The following WDR41 variants were observed in gnomAD, a reference collection of about 807,000 sequenced individuals.
WDR41 encodes the protein WD repeat-containing protein 41.
In WDR41, 63 loss-of-function variants were observed where a neutral mutation model predicts 69.3. The observed-to-expected ratio is 0.91, with a 90% CI of 0.74 to 1.12. The LOEUF is 1.12. Among genes scored for constraint, WDR41 ranks in the 50% most tolerant of loss-of-function variants. WDR41 has a pLI of 0.00. For missense variants in WDR41, 543 were observed against 534.5 expected (o/e 1.02, Z -0.16); for synonymous variants, 185 against 192.1 (o/e 0.96, Z 0.31).
intron 1 of WDR41, among the ~76,000 whole-genome samples, chr5:77,606,662 G>A (rs1053575190): frequency 2.0e-5 from 3 of 151,836 alleles, no homozygotes; most frequent in Non-Finnish European, 2.9e-5. Flanking sequence ...AATTATCCAG[G>A]TGTGGTAGCA....
chr5:77,559,291 G>A (rs1743471600), intron 1 of WDR41, among the ~76,000 whole-genome samples: 1 of 152,150 alleles, frequency 6.6e-6, no homozygotes, highest in African/African-American at 2.4e-5. Flanking sequence ...AAAGATAGAT[G>A]TAAATAATCT....
chr5:77,585,618 A>G (rs1744024278), intron 1 of WDR41, among the ~76,000 whole-genome samples: 1 of 152,244 alleles, frequency 6.6e-6, no homozygotes, highest in Non-Finnish European at 1.5e-5. Flanking sequence ...TGTGGTATAC[A>G]TATACAATGG....
chr5:77,590,044 A>G (rs1744108973), intron 1 of WDR41, among the ~76,000 whole-genome samples: 1 of 152,098 alleles, frequency 6.6e-6, no homozygotes, highest in South Asian at 2.1e-4. Context: ...ATTTTCTATC[A>G]ATGCTTTTTT....
rs147936023 is a variant in WDR41, at chr5:77,559,457, T to C, written c.42+61022A>G. On this transcript the variant is annotated intron_variant, in intron 1 of 5. Coordinates refer to the WDR41 transcript ENST00000509971. ...AGGCTGGCAAAATTCTTGAAGCTGC[T>C]TTAGCAAGGCACTAATTAGACCGTA... Among the ~76,000 whole-genome samples the C allele has an allele frequency of 1.5e-3, 232 of 152,208 alleles. 3 individuals carry two copies. The highest frequency in any genetic ancestry group is 5.3e-3 in the African/African-American group (222 of 41,550).
Position 77,545,672 on chromosome 5 carries a change from C to T in WDR41, c.43-56100G>A, listed in dbSNP as rs1057477742. ...ATCATTGACTTTTTCCTGGGGGCCTCTCTCAAGGATGAGGTTTTAAAGGTT... is the reference window on the plus strand; with the variant it reads ...ATCATTGACTTTTTCCTGGGGGCCTTTCTCAAGGATGAGGTTTTAAAGGTT... On this transcript the variant is annotated intron_variant, in intron 1 of 5. Transcript: ENST00000509971. 3 of 436,026 alleles carry T rather than the reference C, an allele frequency of 6.9e-6. No individual in the cohort carries two copies. The Admixed American group carries it at 1.2e-4, about 18-fold the overall frequency. The allele number at this position is 436,026 out of a possible 1,614,324, so 27.0% of individuals were successfully genotyped here. A position where few individuals can be genotyped will look rare whatever the true frequency, so the allele number is the denominator to read the frequency against.
chr5:77,477,923 G>T (rs1293922191), intron 2 of WDR41, among the ~76,000 whole-genome samples: 1 of 146,478 alleles, frequency 6.8e-6, no homozygotes, highest in African/African-American at 2.6e-5. Context: ...TTGATAGACT[G>T]CTAGCAAGAC....
chr5:77,433,304 A>G lies in WDR41; in HGVS notation c.1228-17T>C. ...TAGAAACATCTGTAAAGAAAATTAAAACTGATTATAGGGACCCCGAAAAGC... is the reference window on the plus strand; with the variant it reads ...TAGAAACATCTGTAAAGAAAATTAAGACTGATTATAGGGACCCCGAAAAGC... On this transcript the variant is annotated splice_polypyrimidine_tract_variant and intron_variant, in intron 12 of 12. Coordinates refer to ENST00000296679, the MANE Select transcript of WDR41 (RefSeq NM_018268.4). 2 of 1,607,610 alleles carry G rather than the reference A, an allele frequency of 1.2e-6. No homozygotes were observed. The highest frequency in any genetic ancestry group is 1.7e-6 in the Non-Finnish European group (2 of 1,177,806).
At chr5:77,501,121 C>A (rs1046535341) in intron 1 of WDR41, among the ~76,000 whole-genome samples, 1 of 152,248 alleles carries the variant, frequency 6.6e-6, no homozygotes, top group Non-Finnish European at 1.5e-5. Flanking sequence ...TGTTTCCTAG[C>A]CAAGGGAAGC....
intron 1 of WDR41, among the ~76,000 whole-genome samples, chr5:77,541,222 T>C (rs1015465998): frequency 4.6e-5 from 7 of 152,312 alleles, no homozygotes; most frequent in African/African-American, 1.7e-4. Flanking sequence ...AGGTCTAATA[T>C]GCAGAGTCTA....
At chr5:77,468,546 T>C (rs1220761262) in intron 2 of WDR41, among the ~76,000 whole-genome samples, 1 of 152,198 alleles carries the variant, frequency 6.6e-6, no homozygotes, top group East Asian at 1.9e-4. Flanking sequence ...TTATGTCCAA[T>C]AGCTAAATGC....
intron 1 of WDR41, among the ~76,000 whole-genome samples, chr5:77,554,090 T>C (rs891194548): frequency 2.0e-5 from 3 of 152,138 alleles, no homozygotes; most frequent in Non-Finnish European, 4.4e-5. Flanking sequence ...TACTAAGCAA[T>C]AAAAATAAAT....
chr5:77,433,331 GAGA>G, intron 12 of WDR41, 44 bp from the exon 13 acceptor site: 1 of 1,585,448 alleles, frequency 6.3e-7, no homozygotes, highest in Non-Finnish European at 8.6e-7. Flanking sequence ...CCGAAAAGCA[GAGA>G]AGTGTCTAAT....
intron 1 of WDR41, among the ~76,000 whole-genome samples, chr5:77,569,292 T>C (rs1048170889): frequency 1.3e-5 from 2 of 152,318 alleles, no homozygotes; most frequent in Admixed American, 6.5e-5. Context: ...AAATAAATTA[T>C]ACAATGCCTT....
chr5:77,504,833 G>A (rs137912079), intron 1 of WDR41, among the ~76,000 whole-genome samples: 3 of 152,174 alleles, frequency 2.0e-5, no homozygotes, highest in East Asian at 1.9e-4. Context: ...AGCCCTTCAC[G>A]CTAAAAACTC....
At chr5:77,525,893 G>A (rs1460042) in intron 1 of WDR41, among the ~76,000 whole-genome samples, 35,409 of 152,054 alleles carry the variant, frequency 0.23, 4,871 homozygotes, top group Non-Finnish European at 0.31. Context: ...CTTGAAGCCT[G>A]TAACCAAGCT....
intron 1 of WDR41, among the ~76,000 whole-genome samples, chr5:77,504,053 AC>A (rs1802066243): frequency 6.8e-6 from 1 of 146,856 alleles, no homozygotes; most frequent in African/African-American, 2.6e-5. Flanking sequence ...AGATAGAGAC[AC>A]GAAAAACCCT....
rs143795265 is a variant in WDR41, at chr5:77,449,358, A to T, written c.697+402T>A. On this transcript the variant is annotated intron_variant, in intron 8 of 12. Coordinates refer to ENST00000296679, the MANE Select transcript of WDR41 (RefSeq NM_018268.4). ...GCTTGAATCCTGCTCATTCTAGTGT[A>T]AGTGTGTAACTTGCTATGTGATATT... is the stretch of plus-strand genomic sequence containing the variant. Among the ~76,000 whole-genome samples, 290 of 152,326 alleles carry T rather than the reference A, an allele frequency of 1.9e-3. 2 individuals are homozygous for T. Among genetic ancestry groups the T allele is most frequent in the Admixed American group, 5.2e-3 (80 of 15,302 alleles).
chr5:77,587,559 G>A (rs1382931092), intron 1 of WDR41, among the ~76,000 whole-genome samples: 1 of 152,168 alleles, frequency 6.6e-6, no homozygotes, highest in Non-Finnish European at 1.5e-5. Context: ...TGTATATGAA[G>A]TGTTATCTTT....
At chr5:77,471,042 CA>C (rs1471295415) in intron 2 of WDR41, among the ~76,000 whole-genome samples, 4 of 152,166 alleles carry the variant, frequency 2.6e-5, no homozygotes, top group Non-Finnish European at 5.9e-5. Flanking sequence ...CACTCCTCAG[CA>C]AATGTAAAAG....
Sources: allele counts gnomAD v4.1 joint callset (sites outside exome capture counted in the v4.1 genomes callset), GRCh38; gene constraint gnomAD v4.1.1; transcripts MANE v1.5; gene names NCBI Gene and HGNC (gene_info 2026-07-23, HGNC 2026-07-21).